SEMA3A: variants seen among roughly 807,000 people sequenced by gnomAD.
SEMA3A encodes semaphorin-3A.
In SEMA3A, 29 loss-of-function variants were observed where a neutral mutation model predicts 97.9. The ratio of observed to expected loss-of-function variants is 0.30; its 90% CI spans 0.22 to 0.40. SEMA3A has a LOEUF of 0.40. Among genes scored for constraint, SEMA3A ranks in the 10% least tolerant of loss-of-function variants. SEMA3A has a pLI of 1.00. For synonymous variants in SEMA3A, 321 were observed against 323.7 expected, an observed-to-expected ratio of 0.99 and a Z score of 0.09; for missense variants, 763 against 951.3, an observed-to-expected ratio of 0.80 and a Z score of 2.60.
chr7:84,100,028 G>T (rs1482135154), intron 4 of SEMA3A, among the ~76,000 whole-genome samples: 1 of 152,008 alleles, frequency 6.6e-6, no homozygotes, highest in South Asian at 2.1e-4. Flanking sequence ...TAAACTCTAT[G>T]CACACTGGGC....
intron 3 of SEMA3A, among the ~76,000 whole-genome samples, chr7:84,253,463 G>A (rs1799653205): frequency 1.3e-5 from 2 of 152,028 alleles, no homozygotes; most frequent in Admixed American, 1.3e-4. Flanking sequence ...GTTTTGTAGA[G>A]ATAAAATGTG....
chr7:84,045,911 T>C (rs1293846287), intron 6 of SEMA3A, among the ~76,000 whole-genome samples: 2 of 151,940 alleles, frequency 1.3e-5, no homozygotes, highest in South Asian at 4.1e-4. Flanking sequence ...TAACATTCAA[T>C]TTTTGACATT....
At chr7:84,063,707 G>T (rs1793353628) in intron 4 of SEMA3A, among the ~76,000 whole-genome samples, 1 of 150,748 alleles carries the variant, frequency 6.6e-6, no homozygotes, top group Non-Finnish European at 1.5e-5. Context: ...AGCGAGAAGG[G>T]AAGTTTAGAG....
At chr7:83,962,949 G>C (rs180738576) in intron 16 of SEMA3A, among the ~76,000 whole-genome samples, 88 of 152,080 alleles carry the variant, frequency 5.8e-4, no homozygotes, top group African/African-American at 2.0e-3. Context: ...AGAAATAAGG[G>C]GAGTCTAATA....
intron 6 of SEMA3A, among the ~76,000 whole-genome samples, chr7:84,015,797 C>A (rs543622889): frequency 6.6e-6 from 1 of 152,110 alleles, no homozygotes; most frequent in Non-Finnish European, 1.5e-5. Context: ...ACCATGCATT[C>A]AAGTATATTT....
At chr7:84,329,531 T>C (rs1801861616) in intron 2 of SEMA3A, among the ~76,000 whole-genome samples, 1 of 151,844 alleles carries the variant, frequency 6.6e-6, no homozygotes, top group African/African-American at 2.4e-5. Flanking sequence ...GGCAAAAGAT[T>C]TGAGGAAGAT....
intron 3 of SEMA3A, among the ~76,000 whole-genome samples, chr7:84,128,762 C>A (rs1180819863): frequency 6.6e-6 from 1 of 152,090 alleles, no homozygotes; most frequent in Admixed American, 6.6e-5. Flanking sequence ...CTGAAATCTG[C>A]AATCCTCCAA....
intron 1 of SEMA3A, among the ~76,000 whole-genome samples, chr7:84,380,727 T>C (rs1418757023): frequency 6.6e-6 from 1 of 152,146 alleles, no homozygotes; most frequent in Non-Finnish European, 1.5e-5. Context: ...CAGGGCTGAG[T>C]TCCTCACTGG....
intron 4 of SEMA3A, among the ~76,000 whole-genome samples, chr7:84,109,940 CAT>C (rs1795227466): frequency 6.6e-6 from 1 of 152,088 alleles, no homozygotes; most frequent in South Asian, 2.1e-4. Flanking sequence ...TTTAAAAAAA[CAT>C]ATTTTTTTCT....
At chr7:84,453,780 G>A (rs1288612801) in intron 1 of SEMA3A, among the ~76,000 whole-genome samples, 2 of 152,094 alleles carry the variant, frequency 1.3e-5, no homozygotes, top group East Asian at 3.8e-4. Flanking sequence ...AAAAACTTGT[G>A]TAAAATTGTT....
intron 3 of SEMA3A, among the ~76,000 whole-genome samples, chr7:84,294,602 A>C (rs537231296): frequency 5.9e-5 from 9 of 152,144 alleles, no homozygotes; most frequent in African/African-American, 2.2e-4. Context: ...AAAATTTTAT[A>C]ATATTGCTCT....
At chr7:84,235,263 T>C (rs1799209013) in intron 3 of SEMA3A, among the ~76,000 whole-genome samples, 1 of 152,032 alleles carries the variant, frequency 6.6e-6, no homozygotes, top group Non-Finnish European at 1.5e-5. Context: ...AATGACAAGA[T>C]ATTTTTCTGT....
At position 84,360,349 on chromosome 7, in the gene SEMA3A, T is replaced by A. The variant is rs578031056; in HGVS notation, c.-169+11475A>T. On this transcript the variant is annotated intron_variant, in intron 2 of 3. Coordinates refer to the SEMA3A transcript ENST00000424555. The stretch of plus-strand genomic sequence containing the variant: ...GAGATTCTGCTATGTTGTGTCTCTG[T>A]TCTCGTTGGTTTCAAAGAACATCTT... Among the ~76,000 whole-genome samples, 138 of 152,262 alleles carry A rather than the reference T, an allele frequency of 9.1e-4. 4 individuals are homozygous for A. In the South Asian group the frequency reaches 0.028, roughly 31 times the overall value.
chr7:84,312,911 TATATATATATACAC>T (rs1398212713), intron 2 of SEMA3A, among the ~76,000 whole-genome samples: 76 of 51,804 alleles, frequency 1.5e-3, no homozygotes, highest in East Asian at 4.7e-3. Context: ...TATATATATA[TATATATATATACAC>T]ACACACACAC....
chr7:84,306,786 A>T (rs1034842174), intron 3 of SEMA3A, among the ~76,000 whole-genome samples: 2 of 152,112 alleles, frequency 1.3e-5, no homozygotes, highest in Admixed American at 1.3e-4. Context: ...CTTTGAGTGG[A>T]TTCTGGATGA....
chr7:84,429,700 G>T (rs1804927509), intron 1 of SEMA3A, among the ~76,000 whole-genome samples: 1 of 150,516 alleles, frequency 6.6e-6, no homozygotes, highest in African/African-American at 2.4e-5. Context: ...GGGTAGGAGA[G>T]GATAGAGGGC....
chr7:84,406,826 A>C (rs1404518524), intron 1 of SEMA3A, among the ~76,000 whole-genome samples: 1 of 152,252 alleles, frequency 6.6e-6, no homozygotes, highest in Non-Finnish European at 1.5e-5. Context: ...ATAGATGCAG[A>C]AAAGGCCTTT....
At chr7:84,357,932 T>G (rs1320982147) in intron 2 of SEMA3A, among the ~76,000 whole-genome samples, 1 of 152,168 alleles carries the variant, frequency 6.6e-6, no homozygotes, top group East Asian at 1.9e-4. Context: ...CATAAATGTC[T>G]TCTTTTGAGA....
At position 84,061,771 on chromosome 7, in the gene SEMA3A, T is replaced by C. The variant is rs894377838; in HGVS notation, c.454-1213A>G. 2.0e-5 allele frequency among the ~76,000 whole-genome samples: 3 copies of C among 152,302 alleles called. No homozygotes were observed. The East Asian group carries it at 5.8e-4, about 29-fold the overall frequency. Reference sequence around the variant, plus strand: ...AAAAAAAAGGAAGAAATTCCAAGTGTTCTGTTTTTACTACTGTGAATGAGA... The same window carrying C: ...AAAAAAAAGGAAGAAATTCCAAGTGCTCTGTTTTTACTACTGTGAATGAGA... On this transcript the variant is annotated intron_variant, in intron 4 of 16. Transcript: ENST00000265362.
Sources: allele counts gnomAD v4.1 joint callset (sites outside exome capture counted in the v4.1 genomes callset), GRCh38; gene constraint gnomAD v4.1.1; transcripts MANE v1.5; gene names NCBI Gene and HGNC (gene_info 2026-07-23, HGNC 2026-07-21).